LEMD1: variants seen among roughly 807,000 people sequenced by gnomAD.
LEMD1 encodes LEM domain containing 1.
In LEMD1, 18 loss-of-function variants were observed where a neutral mutation model predicts 17.4. The ratio of observed to expected loss-of-function variants is 1.04; its 90% CI spans 0.72 to 1.54. LEMD1 has a LOEUF of 1.54. LEMD1 is among the 40% of genes most tolerant of loss of function. LEMD1 has a pLI of 0.00. For synonymous variants in LEMD1, 88 were observed against 77.8 expected, an observed-to-expected ratio of 1.13 and a Z score of -0.69; for missense variants, 195 against 210.4, an observed-to-expected ratio of 0.93 and a Z score of 0.45.
At chr1:205,396,727 A>G (rs1452383155) in intron 4 of LEMD1, among the ~76,000 whole-genome samples, 2 of 152,206 alleles carry the variant, frequency 1.3e-5, no homozygotes, top group African/African-American at 4.8e-5. Flanking sequence ...ATACAAAATC[A>G]TGAAAAACTG....
At chr1:205,408,270 C>A (rs142913384) in intron 4 of LEMD1, among the ~76,000 whole-genome samples, 395 of 151,954 alleles carry the variant, frequency 2.6e-3, no homozygotes, top group African/African-American at 9.2e-3. Context: ...CTGGGGAGCC[C>A]AGGGGCTTCA....
chr1:205,408,191 G>A (rs1665212017), intron 4 of LEMD1, among the ~76,000 whole-genome samples: 1 of 152,188 alleles, frequency 6.6e-6, no homozygotes, highest in Admixed American at 6.5e-5. Context: ...GAATCAGCGT[G>A]GATTTCCTTA....
At chr1:205,394,229 C>T (rs563348280) in intron 4 of LEMD1, among the ~76,000 whole-genome samples, 1 of 152,076 alleles carries the variant, frequency 6.6e-6, no homozygotes, top group Non-Finnish European at 1.5e-5. Context: ...GGTAGAGCGA[C>T]TGGCGGGTAA....
chr1:205,446,141 T>C (rs1666384202), intron 1 of LEMD1, among the ~76,000 whole-genome samples: 3 of 152,332 alleles, frequency 2.0e-5, no homozygotes, highest in South Asian at 4.1e-4. Flanking sequence ...AGAAGGGACA[T>C]GAGGGCAACT....
At chr1:205,413,764 T>C (rs74569390) in intron 4 of LEMD1, among the ~76,000 whole-genome samples, 2 of 151,742 alleles carry the variant, frequency 1.3e-5, no homozygotes, top group Admixed American at 6.6e-5. Context: ...GTGATTCTTG[T>C]GCCTTAGCCT....
At chr1:205,399,176 C>T (rs1256169410) in intron 4 of LEMD1, among the ~76,000 whole-genome samples, 1 of 150,742 alleles carries the variant, frequency 6.6e-6, no homozygotes, top group African/African-American at 2.4e-5. Flanking sequence ...GATCACACCA[C>T]TGCACTCCAG....
Position 205,448,369 on chromosome 1 carries a change from G to A in LEMD1, c.-39+1499C>T. ...TGAGTTTGGGACAGCAATCACATAG[G>A]AATGAAAAGCCATAGGCCACAGCAG... On this transcript the variant is annotated intron_variant, in intron 1 of 3. Transcript: ENST00000367154. This position sits in a 1 kb window ranked among gnomAD's most constrained non-coding sequence, Gnocchi z 4.7. 1 of 534,586 alleles carries A rather than the reference G, an allele frequency of 1.9e-6. No individual in the cohort carries two copies. The highest frequency in any genetic ancestry group is 3.8e-6 in the Non-Finnish European group (1 of 260,002). The allele number at this position is 534,586 out of a possible 1,614,324, so 33.1% of individuals were successfully genotyped here. A position where few individuals can be genotyped will look rare whatever the true frequency, so the allele number is the denominator to read the frequency against.
At position 205,441,758 on chromosome 1, in the gene LEMD1, AAGGGTTGAG is replaced by A. The variant is rs1256548401; in HGVS notation, c.-39+8101_-39+8109del. Among the ~76,000 whole-genome samples the A allele has an allele frequency of 6.6e-6, 1 of 152,180 alleles. No homozygotes were observed. Among genetic ancestry groups the A allele is most frequent in the Non-Finnish European group, 1.5e-5 (1 of 68,038 alleles). ...TTTTATTTAGCACCTATGCTGGGCA[AAGGGTTGAG>A]AGGTAGATACAAAAGGGTAAAGACA... On this transcript the variant is annotated intron_variant, in intron 1 of 3. Coordinates refer to the LEMD1 transcript ENST00000367154. The surrounding 1 kb of genome is among the most constrained non-coding windows in gnomAD (Gnocchi z 4.3).
chr1:205,443,166 A>T (rs1383083215), intron 1 of LEMD1, among the ~76,000 whole-genome samples: 1 of 152,150 alleles, frequency 6.6e-6, no homozygotes, highest in Non-Finnish European at 1.5e-5. Context: ...TGAAAAATAC[A>T]TGGGGAGAAA....
At chr1:205,389,878 C>T (rs887431587) in intron 4 of LEMD1, among the ~76,000 whole-genome samples, 17 of 152,186 alleles carry the variant, frequency 1.1e-4, no homozygotes, top group African/African-American at 3.9e-4. Context: ...ATAATCTTAG[C>T]AGACTTTTAC....
At chr1:205,430,180 A>G (rs144129703) in intron 1 of LEMD1, among the ~76,000 whole-genome samples, 1 of 152,364 alleles carries the variant, frequency 6.6e-6, no homozygotes, top group African/African-American at 2.4e-5. Flanking sequence ...TTCTTGCCAC[A>G]TAGAAGGCCA....
intron 4 of LEMD1, among the ~76,000 whole-genome samples, chr1:205,415,846 G>C (rs546398391): frequency 6.6e-6 from 1 of 152,330 alleles, no homozygotes; most frequent in African/African-American, 2.4e-5. Flanking sequence ...GTAGAAGCCA[G>C]ATGTTAGGGG....
chr1:205,449,474 T>C (rs1041550294), intron 1 of LEMD1, among the ~76,000 whole-genome samples: 9 of 152,112 alleles, frequency 5.9e-5, no homozygotes, highest in African/African-American at 2.2e-4. Flanking sequence ...CCACCCCAAC[T>C]GTACCCTCAG....
At chr1:205,414,208 A>T (rs2102421777) in intron 4 of LEMD1, among the ~76,000 whole-genome samples, 1 of 152,192 alleles carries the variant, frequency 6.6e-6, no homozygotes, top group East Asian at 1.9e-4. Context: ...AACATGATTA[A>T]ATCTCTGCTT....
chr1:205,383,619 CTT>C lies in LEMD1; in HGVS notation c.347+667_347+668del, dbSNP rs147921976. On this transcript the variant is annotated intron_variant, in intron 5 of 5. Coordinates refer to ENST00000367153, the MANE Select transcript of LEMD1 (RefSeq NM_001199050.2). ...TCCTATTTAACTGTGTATTTATATC[CTT>C]TTTTTTTTTTCTTTTTTCTTTTTTT... Among the ~76,000 whole-genome samples the C allele has an allele frequency of 3.9e-3, 557 of 142,348 alleles. 5 individuals are homozygous for C. The highest frequency in any genetic ancestry group is 0.012 in the African/African-American group (453 of 38,466). 93.4% of individuals were successfully genotyped at this position (142,348 alleles called of 152,430 possible).
At chr1:205,401,022 G>T (rs1437387543) in intron 4 of LEMD1, among the ~76,000 whole-genome samples, 1 of 151,798 alleles carries the variant, frequency 6.6e-6, no homozygotes, top group East Asian at 1.9e-4. Flanking sequence ...CAAAGGACAT[G>T]AACTCATCAT....
At chr1:205,391,291 A>G (rs917971243) in intron 4 of LEMD1, among the ~76,000 whole-genome samples, 1 of 152,060 alleles carries the variant, frequency 6.6e-6, no homozygotes, top group Non-Finnish European at 1.5e-5. Context: ...ACTCTGGAAG[A>G]TATAGAGAGA....
chr1:205,421,555 T>C (rs1665959755), intron 1 of LEMD1, among the ~76,000 whole-genome samples: 2 of 152,174 alleles, frequency 1.3e-5, no homozygotes, highest in Admixed American at 6.5e-5. Flanking sequence ...TCATGAATTG[T>C]TATATATAAT....
chr1:205,422,908 C>T (rs951846100), upstream of LEMD1, among the ~76,000 whole-genome samples: 1 of 152,176 alleles, frequency 6.6e-6, no homozygotes, highest in Non-Finnish European at 1.5e-5. Context: ...TGTGTCTCCT[C>T]CTCTTTGTCC....
Sources: gnomAD v4.1 joint callset for allele counts (sites outside exome capture counted in the v4.1 genomes callset) on GRCh38, gnomAD v4.1.1 for gene constraint, Gnocchi (gnomAD v3.1) non-coding constraint, MANE v1.5 for transcripts, NCBI Gene and HGNC (gene_info 2026-07-23, HGNC 2026-07-21) for gene names.